Variants in SYT1 observed in about 807,000 individuals in gnomAD.
The protein encoded by SYT1 is synaptotagmin 1.
A neutral mutation model predicts 44.8 loss-of-function variants in SYT1; 8 were observed. That is an observed-to-expected ratio of 0.18 (90% CI 0.10 to 0.32). The LOEUF is 0.32. Ranked by LOEUF, SYT1 falls within the 10% of genes least tolerant of loss-of-function variation. The pLI is 1.00. For missense variants in SYT1, 286 were observed against 509.3 expected (o/e 0.56, Z 4.22); for synonymous variants, 154 against 188.8 (o/e 0.82, Z 1.51).
At chr12:79,249,690 C>T (rs926951097) in intron 4 of SYT1, among the ~76,000 whole-genome samples, 2 of 152,150 alleles carry the variant, frequency 1.3e-5, no homozygotes, top group Non-Finnish European at 2.9e-5. Flanking sequence ...AATGTGGCAG[C>T]CAATAGCAGC....
intron 9 of SYT1, among the ~76,000 whole-genome samples, chr12:79,424,821 G>A (rs906733639): frequency 6.6e-5 from 10 of 151,444 alleles, no homozygotes; most frequent in Non-Finnish European, 1.5e-5. Flanking sequence ...ATTGTATGCA[G>A]ACCTAGTGTT....
chr12:79,436,374 AC>A (rs1870090450), intron 9 of SYT1, among the ~76,000 whole-genome samples: 1 of 152,328 alleles, frequency 6.6e-6, no homozygotes, highest in East Asian at 1.9e-4. Context: ...AAGGGATTGA[AC>A]AAAACAGCAG....
chr12:79,368,998 A>T (rs556898638), intron 9 of SYT1, among the ~76,000 whole-genome samples: 56 of 152,306 alleles, frequency 3.7e-4, no homozygotes, highest in African/African-American at 1.3e-3. Context: ...AATGGTAATG[A>T]GATGATACTT....
intron 9 of SYT1, among the ~76,000 whole-genome samples, chr12:79,443,493 G>T (rs988790645): frequency 2.6e-5 from 4 of 152,042 alleles, no homozygotes; most frequent in Admixed American, 1.3e-4. Flanking sequence ...AAGTTTCATT[G>T]TGAAGACAGG....
At chr12:78,965,498 T>A (rs148691736) in intron 1 of SYT1, among the ~76,000 whole-genome samples, 22 of 152,206 alleles carry the variant, frequency 1.4e-4, no homozygotes, top group Non-Finnish European at 2.6e-4. Context: ...AATACATGTG[T>A]TCCCCTCAAA....
intron 2 of SYT1, among the ~76,000 whole-genome samples, chr12:79,000,000 G>A (rs1381288925): frequency 6.6e-6 from 1 of 152,132 alleles, no homozygotes; most frequent in Non-Finnish European, 1.5e-5. Flanking sequence ...AATGTTTGAA[G>A]TGTGAAATAA....
At chr12:79,153,800 G>A (rs1870424726) in intron 3 of SYT1, among the ~76,000 whole-genome samples, 1 of 151,940 alleles carries the variant, frequency 6.6e-6, no homozygotes, top group Non-Finnish European at 1.5e-5. Context: ...TCTTTCTACT[G>A]TTTGTCTGCC....
intron 1 of SYT1, among the ~76,000 whole-genome samples, chr12:78,924,920 T>C (rs1877218241): frequency 6.6e-6 from 1 of 151,816 alleles, no homozygotes; most frequent in Non-Finnish European, 1.5e-5. Context: ...CTAGGTCTTC[T>C]TCTTGTTGCT....
chr12:79,439,563 G>C (rs1296931396), intron 9 of SYT1, among the ~76,000 whole-genome samples: 2 of 152,150 alleles, frequency 1.3e-5, no homozygotes, highest in Admixed American at 6.5e-5. Context: ...AGTTGAAGGA[G>C]AGTCTGATTC....
At chr12:79,157,768 T>A (rs1870691557) in intron 3 of SYT1, among the ~76,000 whole-genome samples, 1 of 152,208 alleles carries the variant, frequency 6.6e-6, no homozygotes, top group African/African-American at 2.4e-5. Flanking sequence ...TGCCCTGGAA[T>A]TCTTCTAAGT....
intron 3 of SYT1, among the ~76,000 whole-genome samples, chr12:79,058,241 G>A (rs1003035934): frequency 1.6e-4 from 24 of 151,890 alleles, no homozygotes; most frequent in Non-Finnish European, 7.4e-5. Flanking sequence ...ATCGACAGTG[G>A]CCACACAAAA....
chr12:78,999,689 T>C (rs997416344), intron 2 of SYT1, among the ~76,000 whole-genome samples: 3 of 152,132 alleles, frequency 2.0e-5, no homozygotes, highest in Non-Finnish European at 2.9e-5. Flanking sequence ...GTGTAGCACT[T>C]TGGCCCACTG....
intron 3 of SYT1, among the ~76,000 whole-genome samples, chr12:79,192,277 G>A (rs1220568242): frequency 6.6e-6 from 1 of 152,152 alleles, no homozygotes; most frequent in Non-Finnish European, 1.5e-5. Flanking sequence ...ATAAAAGGAT[G>A]CAGAGTAGGA....
intron 3 of SYT1, among the ~76,000 whole-genome samples, chr12:79,184,277 TATC>T (rs1437701047): frequency 1.3e-5 from 2 of 152,098 alleles, no homozygotes; most frequent in African/African-American, 4.8e-5. Context: ...GTTGTAATGT[TATC>T]ATTGTACTTG....
chr12:79,419,920 A>T (rs913102066), intron 9 of SYT1, among the ~76,000 whole-genome samples: 1 of 152,036 alleles, frequency 6.6e-6, no homozygotes, highest in Admixed American at 6.6e-5. Flanking sequence ...TATTTTGTGC[A>T]TTTTCAAGCT....
intron 9 of SYT1, among the ~76,000 whole-genome samples, chr12:79,386,108 G>T (rs761353559): frequency 5.9e-5 from 9 of 152,036 alleles, no homozygotes; most frequent in Admixed American, 2.0e-4. Context: ...ACCCCTTAAA[G>T]GTTGTATGGT....
chr12:78,931,161 GAAAGAAAGAAAGAAAGAA>G (rs1361648008), intron 1 of SYT1, among the ~76,000 whole-genome samples: 1 of 120,792 alleles, frequency 8.3e-6, no homozygotes, highest in African/African-American at 3.6e-5. Flanking sequence ...AAAGTCTGTG[GAAAGAAAGAAAGAAAGAA>G]AAAGAAAGAA....
intron 3 of SYT1, among the ~76,000 whole-genome samples, chr12:79,165,768 T>TGG (rs1871189288): frequency 6.6e-6 from 1 of 152,012 alleles, no homozygotes; most frequent in Non-Finnish European, 1.5e-5. Context: ...AAATATTAAA[T>TGG]GGGAGCTGAA....
chr12:79,243,236 A>C (rs1259197709), intron 4 of SYT1, among the ~76,000 whole-genome samples: 1 of 152,154 alleles, frequency 6.6e-6, no homozygotes, highest in Non-Finnish European at 1.5e-5. Context: ...AACCATATCA[A>C]ATAGTCTCCA....
Sources: gnomAD v4.1 joint callset for allele counts (sites outside exome capture counted in the v4.1 genomes callset) on GRCh38, gnomAD v4.1.1 for gene constraint, MANE v1.5 for transcripts, NCBI Gene and HGNC (gene_info 2026-07-23, HGNC 2026-07-21) for gene names.